The following KDM4C variants were observed in gnomAD, a reference collection of about 807,000 sequenced individuals.
KDM4C encodes the protein lysine-specific demethylase 4C.
A neutral mutation model predicts 129.3 loss-of-function variants in KDM4C; 81 were observed. The ratio of observed to expected loss-of-function variants is 0.63; its 90% CI spans 0.52 to 0.75. KDM4C has a LOEUF of 0.75. KDM4C is among the 30% of genes least tolerant of loss of function. KDM4C has a pLI of 0.00. For synonymous variants in KDM4C, 573 were observed against 456.1 expected (o/e 1.26, Z -3.26); for missense variants, 1,457 against 1,304.0 (o/e 1.12, Z -1.81).
intron 16 of KDM4C, 58 bp from the exon 17 acceptor site, chr9:7,049,034 G>A (rs1042160038): frequency 8.9e-7 from 1 of 1,127,160 alleles, no homozygotes; most frequent in Middle Eastern, 2.0e-4. Context: ...GCATCACCAA[G>A]TTGAAGTATG....
In KDM4C at chr9:6,989,266, A is replaced by G. The variant is rs531878389; in HGVS notation, c.1678-1150A>G. Among the ~76,000 whole-genome samples, 19 of 152,298 alleles carry G rather than the reference A, an allele frequency of 1.2e-4. No homozygotes were observed. The East Asian group carries it at 3.3e-3, about 26-fold the overall frequency. Reference sequence around the variant, plus strand: ...AGTCAGAGGCCAGAGTAGTTTCCCTATATCTGGCCACTGCTTCTTCAGCTT... The same window carrying G: ...AGTCAGAGGCCAGAGTAGTTTCCCTGTATCTGGCCACTGCTTCTTCAGCTT... On this transcript the variant is annotated intron_variant, in intron 11 of 21. Coordinates refer to ENST00000381309, the MANE Select transcript of KDM4C (RefSeq NM_015061.6).
chr9:6,882,187 A>C (rs1377067053), intron 6 of KDM4C, among the ~76,000 whole-genome samples: 2 of 152,232 alleles, frequency 1.3e-5, no homozygotes, highest in South Asian at 2.1e-4. Flanking sequence ...AAATGTAATA[A>C]AAATCTCAAG....
intron 4 of KDM4C, among the ~76,000 whole-genome samples, chr9:6,824,464 C>G (rs1021208470): frequency 2.6e-5 from 4 of 152,122 alleles, no homozygotes; most frequent in African/African-American, 9.7e-5. Flanking sequence ...GTGCATTTTT[C>G]TGAACTCTTT....
intron 19 of KDM4C, among the ~76,000 whole-genome samples, chr9:7,137,596 A>C (rs1345701038): frequency 6.6e-6 from 1 of 152,246 alleles, no homozygotes; most frequent in Non-Finnish European, 1.5e-5. Context: ...TGCTATATGC[A>C]TGTTTCAGAA....
chr9:7,041,424 T>C (rs1438489901), intron 15 of KDM4C, among the ~76,000 whole-genome samples: 1 of 152,052 alleles, frequency 6.6e-6, no homozygotes, highest in African/African-American at 2.4e-5. Context: ...GAGGGTCGAC[T>C]GTACTTCCTA....
chr9:7,106,581 C>T (rs965144969), intron 18 of KDM4C, among the ~76,000 whole-genome samples: 1 of 151,886 alleles, frequency 6.6e-6, no homozygotes, highest in East Asian at 1.9e-4. Context: ...TTTATTTCTC[C>T]CAATTATTTG....
At chr9:7,108,446 A>G (rs1216116519) in intron 18 of KDM4C, among the ~76,000 whole-genome samples, 1 of 152,264 alleles carries the variant, frequency 6.6e-6, no homozygotes, top group East Asian at 1.9e-4. Flanking sequence ...CATGTTGCCC[A>G]GGCTGGTCTT....
At chr9:7,059,731 T>C (rs1831353624) in intron 17 of KDM4C, among the ~76,000 whole-genome samples, 2 of 152,212 alleles carry the variant, frequency 1.3e-5, no homozygotes, top group East Asian at 3.8e-4. Flanking sequence ...TCTCTTTTAT[T>C]AAACTGGGCA....
intron 8 of KDM4C, among the ~76,000 whole-genome samples, chr9:6,913,935 C>G (rs528454213): frequency 1.3e-5 from 2 of 152,314 alleles, no homozygotes; most frequent in African/African-American, 4.8e-5. Flanking sequence ...AGCTAACAGT[C>G]AGGGTTTAAG....
At chr9:7,035,756 C>T (rs145840233) in intron 15 of KDM4C, among the ~76,000 whole-genome samples, 2 of 152,190 alleles carry the variant, frequency 1.3e-5, no homozygotes, top group Non-Finnish European at 2.9e-5. Flanking sequence ...AATTCCCTAA[C>T]GAGTGTTCAT....
intron 12 of KDM4C, among the ~76,000 whole-genome samples, chr9:6,995,056 GTT>G (rs34580499): frequency 2.7e-5 from 4 of 149,642 alleles, no homozygotes; most frequent in South Asian, 4.2e-4. Context: ...CCTGAGAGTG[GTT>G]TTTTTTTTCC....
intron 5 of KDM4C, among the ~76,000 whole-genome samples, chr9:6,855,011 T>C (rs1839544229): frequency 6.6e-6 from 1 of 152,234 alleles, no homozygotes; most frequent in Admixed American, 6.5e-5. Context: ...AATAACATGC[T>C]ATGTACAAAG....
At chr9:7,063,646 A>G (rs1263651197) in intron 17 of KDM4C, among the ~76,000 whole-genome samples, 1 of 152,228 alleles carries the variant, frequency 6.6e-6, no homozygotes. Flanking sequence ...ATTGCACAGC[A>G]GTGTGAAAAG....
At chr9:6,732,170 T>G (rs796569884) in intron 1 of KDM4C, among the ~76,000 whole-genome samples, 6 of 150,618 alleles carry the variant, frequency 4.0e-5, no homozygotes, top group East Asian at 2.0e-4. Flanking sequence ...ATTGAGACCA[T>G]CCTGGCTAAC....
At chr9:6,795,164 A>C (rs542626553) in intron 2 of KDM4C, among the ~76,000 whole-genome samples, 33 of 152,148 alleles carry the variant, frequency 2.2e-4, no homozygotes, top group Non-Finnish European at 4.1e-4. Context: ...TGGAGGTCAG[A>C]TAGCATGGAA....
chr9:7,005,215 C>T (rs1459688519), intron 12 of KDM4C, among the ~76,000 whole-genome samples: 1 of 152,098 alleles, frequency 6.6e-6, no homozygotes, highest in Non-Finnish European at 1.5e-5. Flanking sequence ...GTGGGCAGAT[C>T]ATCTGAGGTC....
At chr9:6,898,019 C>T (rs1258088286) in intron 8 of KDM4C, among the ~76,000 whole-genome samples, 1 of 152,144 alleles carries the variant, frequency 6.6e-6, no homozygotes, top group Non-Finnish European at 1.5e-5. Flanking sequence ...GGTCTGCTTC[C>T]TGGCCAGGTT....
At chr9:6,930,676 A>G (rs1823531378) in intron 8 of KDM4C, among the ~76,000 whole-genome samples, 1 of 70,986 alleles carries the variant, frequency 1.4e-5, no homozygotes, top group Non-Finnish European at 3.1e-5. Context: ...TACAATTAAT[A>G]TATAATATAT....
chr9:6,876,131 C>T (rs1046490193), intron 5 of KDM4C, among the ~76,000 whole-genome samples: 1 of 152,070 alleles, frequency 6.6e-6, no homozygotes, highest in Non-Finnish European at 1.5e-5. Context: ...CCTGTCTGAC[C>T]CTTGATGTTA....
Sources: allele counts gnomAD v4.1 joint callset (sites outside exome capture counted in the v4.1 genomes callset), GRCh38; gene constraint gnomAD v4.1.1; transcripts MANE v1.5; gene names NCBI Gene and HGNC (gene_info 2026-07-23, HGNC 2026-07-21).